WSCD2: variants seen among roughly 807,000 people sequenced by gnomAD.
WSCD2 encodes the protein sialate:O-sulfotransferase 2.
WSCD2 carries 28 observed loss-of-function variants against 55.7 expected under a neutral mutation model. That is an observed-to-expected ratio of 0.50 (90% confidence interval 0.37 to 0.69). WSCD2 has a LOEUF of 0.69. Ranked by LOEUF, WSCD2 falls within the 30% of genes least tolerant of loss-of-function variation. The probability of loss-of-function intolerance (pLI) is 0.00; values close to 1 mark genes in which losing one functional copy is unlikely to be tolerated. For synonymous variants in WSCD2, 301 were observed against 301.9 expected, an observed-to-expected ratio of 1.00 and a Z score of 0.03; for missense variants, 616 against 762.1, an observed-to-expected ratio of 0.81 and a Z score of 2.26.
At chr12:108,221,231 C>T (rs115140705) in intron 4 of WSCD2, among the ~76,000 whole-genome samples, 103 of 152,138 alleles carry the variant, frequency 6.8e-4, no homozygotes, top group African/African-American at 2.3e-3. Flanking sequence ...TGGGACTTCC[C>T]GCCTCATTGC....
intron 1 of WSCD2, among the ~76,000 whole-genome samples, chr12:108,160,109 C>A (rs1044289474): frequency 2.6e-5 from 4 of 152,040 alleles, no homozygotes; most frequent in African/African-American, 4.8e-5. Flanking sequence ...TTAGAGGCTG[C>A]CAAGGATGGC....
chr12:108,231,553 A>C (rs1888761853), intron 6 of WSCD2, among the ~76,000 whole-genome samples: 1 of 152,224 alleles, frequency 6.6e-6, no homozygotes, highest in South Asian at 2.1e-4. Flanking sequence ...GAGAAAAATA[A>C]TATCTATGCC....
intron 1 of WSCD2, among the ~76,000 whole-genome samples, chr12:108,154,992 T>A (rs779675509): frequency 1.3e-5 from 2 of 152,128 alleles, no homozygotes; most frequent in African/African-American, 2.4e-5. Flanking sequence ...ATGCCCCAGA[T>A]CCCAGCCTGC....
At chr12:108,246,855 T>C (rs1035545849) in intron 8 of WSCD2, among the ~76,000 whole-genome samples, 1 of 152,054 alleles carries the variant, frequency 6.6e-6, no homozygotes, top group Non-Finnish European at 1.5e-5. Flanking sequence ...TGTGGGGGGC[T>C]GCAGGGGACG....
At position 108,162,624 on chromosome 12, in the gene WSCD2, G is replaced by A. The variant is rs113476758; in HGVS notation, c.-551-32658G>A. Among the ~76,000 whole-genome samples the A allele has an allele frequency of 1.9e-3, 283 of 152,290 alleles. 3 individuals are homozygous for A. The highest frequency in any genetic ancestry group is 6.4e-3 in the African/African-American group (265 of 41,554). ...TGACAGGCAGCCACCAGAAAAGCTT[G>A]GATGTTTATTCCCTCCTGGGGAGAG... is the stretch of plus-strand genomic sequence containing the variant. On this transcript the variant is annotated intron_variant, in intron 1 of 8. Transcript: ENST00000547525.
chr12:108,176,336 G>A (rs557277100), intron 1 of WSCD2, among the ~76,000 whole-genome samples: 81 of 151,908 alleles, frequency 5.3e-4, no homozygotes, highest in Middle Eastern at 3.4e-3. Context: ...TTCATCTCTC[G>A]CCCCTGACAA....
rs916021110 is a variant in WSCD2, at chr12:108,129,308, G to C, written c.-1170G>C. 6.6e-6 allele frequency among the ~76,000 whole-genome samples: 1 copy of C among 152,146 alleles called. No individual in the cohort carries two copies. Among genetic ancestry groups the C allele is most frequent in the African/African-American group, 2.4e-5 (1 of 41,452 alleles). ...GGGCTGAGGCGCGCTGCTGGTGGCG[G>C]CGGCGGCAGCGGCGCGGGAGCTAGG... is the stretch of plus-strand genomic sequence containing the variant. On this transcript the variant is annotated 5_prime_UTR_variant, in exon 1 of 9. Coordinates refer to ENST00000547525, the MANE Select transcript of WSCD2 (RefSeq NM_014653.4).
chr12:108,215,717 G>C (rs1453746897), intron 4 of WSCD2, among the ~76,000 whole-genome samples: 1 of 152,202 alleles, frequency 6.6e-6, no homozygotes, highest in African/African-American at 2.4e-5. Flanking sequence ...TAATTACCCA[G>C]GGGTTGGTGG....
At chr12:108,215,637 T>C (rs1544884) in intron 4 of WSCD2, among the ~76,000 whole-genome samples, 34,180 of 152,106 alleles carry the variant, frequency 0.22, 4,134 homozygotes, top group African/African-American at 0.32. Context: ...GGTAGCTAGG[T>C]AGCCATTAAC....
chr12:108,209,441 G>A (rs1885835951), intron 3 of WSCD2, among the ~76,000 whole-genome samples: 2 of 152,086 alleles, frequency 1.3e-5, no homozygotes, highest in African/African-American at 4.8e-5. Flanking sequence ...GGAAAAGCAA[G>A]AAAGAGAGTG....
intron 1 of WSCD2, among the ~76,000 whole-genome samples, chr12:108,150,893 C>T (rs1378050612): frequency 1.3e-5 from 2 of 152,124 alleles, no homozygotes; most frequent in African/African-American, 2.4e-5. Flanking sequence ...AGGAGCCAGC[C>T]TCCTGGTGCA....
intron 1 of WSCD2, among the ~76,000 whole-genome samples, chr12:108,148,732 A>T (rs1877659791): frequency 6.6e-6 from 1 of 152,198 alleles, no homozygotes; most frequent in Admixed American, 6.5e-5. Context: ...GTCATACAGT[A>T]ACAATGACTG....
chr12:108,139,612 G>A (rs967099209), intron 1 of WSCD2, among the ~76,000 whole-genome samples: 3 of 152,188 alleles, frequency 2.0e-5, no homozygotes, highest in Non-Finnish European at 4.4e-5. Context: ...CTTAACCCCT[G>A]TGCCTCAGTT....
At chr12:108,230,504 G>A (rs1888632090) in intron 6 of WSCD2, among the ~76,000 whole-genome samples, 1 of 152,170 alleles carries the variant, frequency 6.6e-6, no homozygotes, top group South Asian at 2.1e-4. Flanking sequence ...TGTCATCGCT[G>A]CTTAATAGTC....
At chr12:108,164,339 T>G (rs1306120833) in intron 1 of WSCD2, among the ~76,000 whole-genome samples, 1 of 152,002 alleles carries the variant, frequency 6.6e-6, no homozygotes, top group Non-Finnish European at 1.5e-5. Context: ...TTGATACCCC[T>G]GTCACCAGAG....
At chr12:108,242,313 G>A (rs189298955) in intron 8 of WSCD2, among the ~76,000 whole-genome samples, 44 of 152,352 alleles carry the variant, frequency 2.9e-4, no homozygotes, top group Middle Eastern at 3.4e-3. Flanking sequence ...TTGGATAGGT[G>A]GTGACATTTG....
At chr12:108,135,987 C>T (rs1876168788) in intron 1 of WSCD2, among the ~76,000 whole-genome samples, 1 of 152,180 alleles carries the variant, frequency 6.6e-6, no homozygotes, top group Non-Finnish European at 1.5e-5. Flanking sequence ...ACTTGCTGAC[C>T]CATGAGCTAA....
At chr12:108,162,394 A>G (rs1879167046) in intron 1 of WSCD2, among the ~76,000 whole-genome samples, 1 of 152,120 alleles carries the variant, frequency 6.6e-6, no homozygotes, top group Admixed American at 6.5e-5. Flanking sequence ...GGGGATCCCC[A>G]GCCCCCCAAC....
intron 8 of WSCD2, among the ~76,000 whole-genome samples, chr12:108,246,948 CA>C (rs1890138061): frequency 6.6e-6 from 1 of 152,142 alleles, no homozygotes. Flanking sequence ...AGAATAATAT[CA>C]GTAATAACGA....
Sources: allele counts gnomAD v4.1 joint callset (sites outside exome capture counted in the v4.1 genomes callset), GRCh38; gene constraint gnomAD v4.1.1; transcripts MANE v1.5; gene names NCBI Gene and HGNC (gene_info 2026-07-23, HGNC 2026-07-21).